Variants in FOXP1 observed in about 807,000 individuals in gnomAD.
FOXP1 encodes the protein forkhead box protein P1.
Under a neutral mutation model 98.2 loss-of-function variants are expected in FOXP1, and 15 were observed. The observed-to-expected ratio is 0.15, with a 90% CI of 0.10 to 0.24. The LOEUF is 0.24. Among genes scored for constraint, FOXP1 ranks in the 10% least tolerant of loss-of-function variants. The pLI is 1.00. For synonymous variants in FOXP1, 371 were observed against 314.5 expected, an observed-to-expected ratio of 1.18 and a Z score of -1.90; for missense variants, 633 against 848.5, an observed-to-expected ratio of 0.75 and a Z score of 3.15.
chr3:71,465,649 C>G lies in FOXP1; in HGVS notation c.-168+27777G>C, dbSNP rs370247566. Reference sequence around the variant, plus strand: ...CGTGCTTGGTTTCACTCATTGTTGTCTTAGCACAGTGGAGGTGCTCTAAGA... The same window carrying G: ...CGTGCTTGGTTTCACTCATTGTTGTGTTAGCACAGTGGAGGTGCTCTAAGA... On this transcript the variant is annotated intron_variant, in intron 3 of 20. Transcript: ENST00000649528. 1.2e-4 allele frequency among the ~76,000 whole-genome samples: 19 copies of G among 152,276 alleles called. No individual in the cohort carries two copies. In the East Asian group the frequency reaches 3.1e-3, roughly 25 times the overall value.
At chr3:71,048,804 T>TGG (rs200042408) in intron 9 of FOXP1, among the ~76,000 whole-genome samples, 14 of 104,748 alleles carry the variant, frequency 1.3e-4, no homozygotes, top group African/African-American at 3.6e-4. Context: ...CAGACTATAA[T>TGG]GGGGGGGGTA....
intron 2 of FOXP1, among the ~76,000 whole-genome samples, chr3:71,538,673 T>C (rs1197032063): frequency 6.6e-6 from 1 of 152,246 alleles, no homozygotes. Flanking sequence ...TGGGTTCATA[T>C]GCAGGAGTAG....
rs2048302170 is a variant in FOXP1 at position 71,041,276 on chromosome 3, C to T, written c.869+52G>A. ...AGATATGACGAGGCAGGGCCACCCACCCCTCTCATGTTAAAGGCAGTTTTG... is the reference window on the plus strand; with the variant it reads ...AGATATGACGAGGCAGGGCCACCCATCCCTCTCATGTTAAAGGCAGTTTTG... On this transcript the variant is annotated intron_variant, in intron 11 of 20. Coordinates refer to ENST00000649528, the MANE Select transcript of FOXP1 (RefSeq NM_001349338.3). The T allele has an allele frequency of 2.0e-6, 3 of 1,478,012 alleles. No homozygotes were observed. The African/African-American group carries it at 4.2e-5, about 21-fold the overall frequency. 91.6% of individuals were successfully genotyped at this position (1,478,012 alleles called of 1,614,324 possible).
intron 3 of FOXP1, among the ~76,000 whole-genome samples, chr3:71,398,588 C>A (rs754924403): frequency 2.0e-5 from 3 of 152,140 alleles, no homozygotes; most frequent in Non-Finnish European, 4.4e-5. Flanking sequence ...TCACTCACAC[C>A]AAGAACCACG....
intron 4 of FOXP1, among the ~76,000 whole-genome samples, chr3:71,319,858 C>G (rs578179412): frequency 9.9e-5 from 15 of 152,274 alleles, no homozygotes; most frequent in African/African-American, 3.6e-4. Context: ...TGGGCCTTCC[C>G]TCAGTGAATG....
chr3:71,228,283 G>A (rs73839457), intron 5 of FOXP1, among the ~76,000 whole-genome samples: 3,241 of 151,664 alleles, frequency 0.021, 54 homozygotes, highest in African/African-American at 0.037. Context: ...TATACGCACC[G>A]AAATTATTGG....
intron 3 of FOXP1, among the ~76,000 whole-genome samples, chr3:71,437,428 A>C (rs1560486553): frequency 6.6e-6 from 1 of 152,146 alleles, no homozygotes; most frequent in South Asian, 2.1e-4. Flanking sequence ...AAAACAAAAC[A>C]AAACAAACAG....
chr3:71,438,196 T>C (rs989160444), intron 3 of FOXP1, among the ~76,000 whole-genome samples: 18 of 152,236 alleles, frequency 1.2e-4, no homozygotes, highest in African/African-American at 4.1e-4. Context: ...TTAAGAACAC[T>C]GTGTCTGGTT....
At chr3:71,113,341 G>A (rs1297859804) in intron 6 of FOXP1, among the ~76,000 whole-genome samples, 1 of 152,132 alleles carries the variant, frequency 6.6e-6, no homozygotes, top group African/African-American at 2.4e-5. Context: ...CTCCTTAAAG[G>A]TAGACATTGG....
At chr3:71,488,987 G>A (rs547266908) in intron 3 of FOXP1, among the ~76,000 whole-genome samples, 3 of 152,122 alleles carry the variant, frequency 2.0e-5, no homozygotes, top group African/African-American at 4.8e-5. Context: ...GCACAACACC[G>A]TGGGCTGGCC....
chr3:71,214,971 G>A (rs960059753), intron 5 of FOXP1, among the ~76,000 whole-genome samples: 21 of 152,304 alleles, frequency 1.4e-4, no homozygotes, highest in African/African-American at 4.3e-4. Context: ...ACTACACAAA[G>A]CATGGTTCTG....
chr3:71,015,164 CCAA>C (rs529565593), intron 12 of FOXP1, among the ~76,000 whole-genome samples: 22 of 150,522 alleles, frequency 1.5e-4, no homozygotes, highest in South Asian at 6.3e-4. Context: ...GATGACACCT[CCAA>C]CAACAACAAC....
chr3:70,957,260 G>T lies in FOXP1; in HGVS notation c.*1987C>A. ...AAATCTCTTTAAGAGAATGAGTTTTGGTCTCTGTAGAGGTACACAAAAAGA... is the reference window on the plus strand; with the variant it reads ...AAATCTCTTTAAGAGAATGAGTTTTTGTCTCTGTAGAGGTACACAAAAAGA... On this transcript the variant is annotated 3_prime_UTR_variant, in exon 21 of 21. Coordinates refer to ENST00000649528, the MANE Select transcript of FOXP1 (RefSeq NM_001349338.3). 1 of 224,854 alleles carries T rather than the reference G, an allele frequency of 4.4e-6. No individual in the cohort carries two copies. The highest frequency in any genetic ancestry group is 8.9e-6 in the Non-Finnish European group (1 of 112,984). The allele number at this position is 224,854 out of a possible 1,614,324, so 13.9% of individuals were successfully genotyped here.
chr3:71,177,565 G>C (rs1454251523), intron 6 of FOXP1, among the ~76,000 whole-genome samples: 1 of 152,182 alleles, frequency 6.6e-6, no homozygotes, highest in African/African-American at 2.4e-5. Flanking sequence ...AGGCTCTGGA[G>C]TCGGGCAGAT....
In FOXP1 at chr3:71,199,003, T is replaced by C. The variant is rs191475515; in HGVS notation, c.-11-611A>G. Among the ~76,000 whole-genome samples the C allele has an allele frequency of 7.9e-5, 12 of 152,180 alleles. No individual in the cohort carries two copies. In the East Asian group the frequency reaches 2.1e-3, roughly 27 times the overall value. ...TGCGCCGGGCCCAAGATTAAATTTTTCTTCTATCTGGTTCCTTTGCTCAAA... is the reference window on the plus strand; with the variant it reads ...TGCGCCGGGCCCAAGATTAAATTTTCCTTCTATCTGGTTCCTTTGCTCAAA... On this transcript the variant is annotated intron_variant, in intron 5 of 20. Coordinates refer to ENST00000649528, the MANE Select transcript of FOXP1 (RefSeq NM_001349338.3).
At chr3:71,220,565 T>G (rs1280650276) in intron 5 of FOXP1, among the ~76,000 whole-genome samples, 1 of 151,438 alleles carries the variant, frequency 6.6e-6, no homozygotes, top group Non-Finnish European at 1.5e-5. Flanking sequence ...CTGGGCAACA[T>G]AGCAAAACTC....
rs904376255 is a variant in FOXP1 at position 70,959,095 on chromosome 3, T to G, written c.*152A>C. 5.8e-6 allele frequency: 5 copies of G among 856,220 alleles called. No individual in the cohort carries two copies. Among genetic ancestry groups the G allele is most frequent in the Non-Finnish European group, 9.2e-6 (5 of 540,588 alleles). The allele number at this position is 856,220 out of a possible 1,614,324, so 53.0% of individuals were successfully genotyped here. On this transcript the variant is annotated 3_prime_UTR_variant, in exon 21 of 21. Coordinates refer to ENST00000649528, the MANE Select transcript of FOXP1 (RefSeq NM_001349338.3). ...TCCCAAATGGGGTTCTTGATGGCAC[T>G]AAGAGTTAACACATTTCAGAGTTGT...
intron 6 of FOXP1, among the ~76,000 whole-genome samples, chr3:71,197,600 C>A (rs1430791513): frequency 6.6e-6 from 1 of 152,152 alleles, no homozygotes; most frequent in Non-Finnish European, 1.5e-5. Context: ...TAAGACTTAG[C>A]CACAAACCCA....
At chr3:71,133,702 AAT>A (rs1462151666) in intron 6 of FOXP1, among the ~76,000 whole-genome samples, 1 of 152,130 alleles carries the variant, frequency 6.6e-6, no homozygotes, top group Non-Finnish European at 1.5e-5. Context: ...CACACAACAA[AAT>A]ACAATTTCAT....
Sources: allele counts gnomAD v4.1 joint callset (sites outside exome capture counted in the v4.1 genomes callset), GRCh38; gene constraint gnomAD v4.1.1; transcripts MANE v1.5; gene names NCBI Gene and HGNC (gene_info 2026-07-23, HGNC 2026-07-21).